FAM110B: variants seen among roughly 807,000 people sequenced by gnomAD.
FAM110B encodes the protein family with sequence similarity 110 member B.
A neutral mutation model predicts 20.4 loss-of-function variants in FAM110B; 6 were observed. The ratio of observed to expected loss-of-function variants is 0.29; its 90% CI spans 0.16 to 0.58. The LOEUF (loss-of-function observed/expected upper bound fraction) is 0.58. FAM110B is among the 20% of genes least tolerant of loss of function. The pLI, the probability that FAM110B is intolerant of heterozygous loss-of-function variation, is 0.90. For synonymous variants in FAM110B, 226 were observed against 214.1 expected (o/e 1.06, Z -0.49); for missense variants, 434 against 498.2 (o/e 0.87, Z 1.23).
intron 2 of FAM110B, among the ~76,000 whole-genome samples, chr8:58,063,236 T>G (rs547526467): frequency 1.8e-4 from 28 of 152,276 alleles, no homozygotes; most frequent in Admixed American, 3.3e-4. Flanking sequence ...ACCTTTTCCT[T>G]GGGTGGAAGT....
At chr8:58,033,399 C>G (rs1585827671) in intron 2 of FAM110B, among the ~76,000 whole-genome samples, 1 of 152,076 alleles carries the variant, frequency 6.6e-6, no homozygotes, top group Non-Finnish European at 1.5e-5. Flanking sequence ...TGATTTATTT[C>G]CCTTCAGTTA....
At chr8:58,012,948 A>G (rs1166585983) in intron 1 of FAM110B, among the ~76,000 whole-genome samples, 1 of 152,038 alleles carries the variant, frequency 6.6e-6, no homozygotes, top group Non-Finnish European at 1.5e-5. Context: ...TGAAGTGAGC[A>G]TTCCTATGAC....
intron 3 of FAM110B, among the ~76,000 whole-genome samples, chr8:58,120,823 G>T (rs1330912921): frequency 6.6e-6 from 1 of 152,176 alleles, no homozygotes; most frequent in Non-Finnish European, 1.5e-5. Flanking sequence ...GGGAGAATAG[G>T]TGATAGTTAC....
At chr8:58,081,072 C>T (rs1233195264) in intron 3 of FAM110B, among the ~76,000 whole-genome samples, 2 of 152,332 alleles carry the variant, frequency 1.3e-5, no homozygotes, top group East Asian at 3.9e-4. Context: ...CCTGCTGACT[C>T]CTCCTCGAGG....
At chr8:58,016,449 A>G (rs1341828798) in intron 1 of FAM110B, among the ~76,000 whole-genome samples, 9 of 152,174 alleles carry the variant, frequency 5.9e-5, no homozygotes, top group Admixed American at 3.3e-4. Flanking sequence ...CCAGCACCCA[A>G]TGTGGCTAAG....
chr8:58,001,504 G>T (rs1804295252), intron 1 of FAM110B, among the ~76,000 whole-genome samples: 1 of 152,076 alleles, frequency 6.6e-6, no homozygotes, highest in Non-Finnish European at 1.5e-5. Flanking sequence ...GGCCTGATTT[G>T]CTTGTTTGAT....
At chr8:58,030,522 G>A (rs1462081337) in intron 1 of FAM110B, among the ~76,000 whole-genome samples, 1 of 152,168 alleles carries the variant, frequency 6.6e-6, no homozygotes, top group Non-Finnish European at 1.5e-5. Flanking sequence ...TCTCCAGAAA[G>A]GCGATGATAG....
chr8:58,107,309 G>T (rs935188106), intron 3 of FAM110B, among the ~76,000 whole-genome samples: 1 of 152,250 alleles, frequency 6.6e-6, no homozygotes, highest in Non-Finnish European at 1.5e-5. Flanking sequence ...GGTACTTTTA[G>T]TGAAATATTT....
chr8:58,075,185 A>G (rs748912858), intron 2 of FAM110B, among the ~76,000 whole-genome samples: 2 of 151,548 alleles, frequency 1.3e-5, no homozygotes, highest in Non-Finnish European at 2.9e-5. Context: ...AGCTCACGGA[A>G]ACCTCCACCT....
intron 1 of FAM110B, among the ~76,000 whole-genome samples, chr8:58,028,294 G>A (rs1212420357): frequency 2.6e-5 from 4 of 152,032 alleles, no homozygotes; most frequent in African/African-American, 7.2e-5. Context: ...TAGTAGAGAC[G>A]GGGTTTCACC....
chr8:58,098,235 C>A (rs1341414130), intron 3 of FAM110B, among the ~76,000 whole-genome samples: 5 of 152,248 alleles, frequency 3.3e-5, no homozygotes, highest in Admixed American at 3.3e-4. Flanking sequence ...TTCAGAGATG[C>A]CCTGCCCAGA....
chr8:58,045,206 A>G (rs1249159602), intron 2 of FAM110B, among the ~76,000 whole-genome samples: 4 of 152,084 alleles, frequency 2.6e-5, no homozygotes, highest in African/African-American at 9.7e-5. Flanking sequence ...CATTCCCTTA[A>G]CTGTTCACAG....
chr8:58,143,456 G>A (rs1283281078), intron 3 of FAM110B, among the ~76,000 whole-genome samples: 1 of 152,220 alleles, frequency 6.6e-6, no homozygotes, highest in East Asian at 1.9e-4. Flanking sequence ...AAAAGGAAAT[G>A]AAGTATGAAA....
chr8:58,118,507 A>G (rs999109645), intron 3 of FAM110B, among the ~76,000 whole-genome samples: 1 of 152,208 alleles, frequency 6.6e-6, no homozygotes, highest in Non-Finnish European at 1.5e-5. Flanking sequence ...GTTTCTTCAG[A>G]CTAGCTTAAG....
chr8:58,120,057 G>C (rs946797272), intron 3 of FAM110B, among the ~76,000 whole-genome samples: 2 of 152,194 alleles, frequency 1.3e-5, no homozygotes, highest in African/African-American at 4.8e-5. Flanking sequence ...CCTGGACTTA[G>C]TGACTCTGAG....
intron 1 of FAM110B, among the ~76,000 whole-genome samples, chr8:58,024,640 G>T (rs1364826205): frequency 6.6e-6 from 1 of 152,180 alleles, no homozygotes; most frequent in African/African-American, 2.4e-5. Context: ...TGCTGCTGCT[G>T]AACAGTCAGC....
At chr8:58,058,416 C>T (rs999532036) in intron 2 of FAM110B, among the ~76,000 whole-genome samples, 7 of 149,952 alleles carry the variant, frequency 4.7e-5, no homozygotes, top group South Asian at 2.1e-4. Context: ...TTATTACAAA[C>T]GTGGGACAAG....
rs1031966908 is a variant in FAM110B, at chr8:58,075,600, A to G, written c.-348A>G. On this transcript the variant is annotated 5_prime_UTR_variant, in exon 3 of 4. Transcript: ENST00000519262. ...TTCCTGTGACCTCTGCCTACCATCC[A>G]TAAAATACTCATTCCCCTCTCAGGT... 5 of 152,130 alleles carry G rather than the reference A, an allele frequency of 3.3e-5. No individual in the cohort carries two copies. The highest frequency in any genetic ancestry group is 5.9e-5 in the Non-Finnish European group (4 of 68,020). The allele number at this position is 152,130 out of a possible 1,614,324, so 9.4% of individuals were successfully genotyped here.
At chr8:58,112,845 G>A (rs958079518) in intron 3 of FAM110B, among the ~76,000 whole-genome samples, 2 of 152,194 alleles carry the variant, frequency 1.3e-5, no homozygotes, top group Admixed American at 6.5e-5. Context: ...AAGGACTTAA[G>A]GACTAAGGAC....
Sources: gnomAD v4.1 joint callset for allele counts (sites outside exome capture counted in the v4.1 genomes callset) on GRCh38, gnomAD v4.1.1 for gene constraint, MANE v1.5 for transcripts, NCBI Gene and HGNC (gene_info 2026-07-23, HGNC 2026-07-21) for gene names.